Variants in SYTL2 observed in about 807,000 individuals in gnomAD.
The protein encoded by SYTL2 is synaptotagmin like 2.
A neutral mutation model predicts 198.7 loss-of-function variants in SYTL2; 165 were observed. That is an observed-to-expected ratio of 0.83 (90% CI 0.73 to 0.94). The LOEUF is 0.94. SYTL2 is among the 40% of genes least tolerant of loss of function. The pLI is 0.00. For synonymous variants in SYTL2, 966 were observed against 917.7 expected (o/e 1.05, Z -0.95); for missense variants, 2,835 against 2,582.8 (o/e 1.10, Z -2.12).
At chr11:85,821,284 C>A in the SYTL2 span, among the ~76,000 whole-genome samples, 1 of 152,090 alleles carries the variant, frequency 6.6e-6, no homozygotes. Context: ...CAGTTTAGAG[C>A]ATCTTATAGA....
intron 1 of SYTL2, among the ~76,000 whole-genome samples, chr11:85,766,900 G>A (rs1468289056): frequency 6.6e-6 from 1 of 152,164 alleles, no homozygotes; most frequent in African/African-American, 2.4e-5. Context: ...TCTAAATTGG[G>A]AGTGCTATCA....
At chr11:85,741,673 G>C (rs190773390) in intron 4 of SYTL2, among the ~76,000 whole-genome samples, 1 of 152,240 alleles carries the variant, frequency 6.6e-6, no homozygotes, top group East Asian at 1.9e-4. Flanking sequence ...GAGCAAGCTA[G>C]GTACCTTACA....
rs554951614 is a variant in SYTL2, at chr11:85,800,951, G to A, written c.-390+10003C>T. Among the ~76,000 whole-genome samples the A allele has an allele frequency of 3.8e-4, 58 of 152,224 alleles. 1 individual carries two copies. In the South Asian group the frequency reaches 9.5e-3, roughly 25 times the overall value. On this transcript the variant is annotated intron_variant, in intron 1 of 19. Transcript: ENST00000359152. ...TTCCCCAAGGAACCCAGGTAATGTC[G>A]GGTTTTCCCTCCAGCATAGATAAAG...
the SYTL2 span, among the ~76,000 whole-genome samples, chr11:85,834,337 G>C: frequency 1.3e-5 from 2 of 151,846 alleles, no homozygotes; most frequent in Non-Finnish European, 2.9e-5. Context: ...TATTTACCTT[G>C]TTTCTTATTA....
intron 9 of SYTL2, 35 bp downstream of exon 9, chr11:85,720,823 T>A: frequency 6.8e-7 from 1 of 1,461,468 alleles, no homozygotes; most frequent in Non-Finnish European, 9.6e-7. Flanking sequence ...TAAGCTTAGA[T>A]GGGGCATGAA....
intron 17 of SYTL2, among the ~76,000 whole-genome samples, chr11:85,699,232 A>G (rs1043247953): frequency 8.5e-5 from 13 of 152,200 alleles, no homozygotes; most frequent in African/African-American, 3.1e-4. Context: ...AGTGAGATCT[A>G]ATATAGTTAG....
In SYTL2 at chr11:85,757,614, T is replaced by C; in HGVS notation, c.101+11A>G. On this transcript the variant is annotated intron_variant, in intron 2 of 19. Coordinates refer to ENST00000359152, the MANE Select transcript of SYTL2 (RefSeq NM_206927.4). Reference sequence around the variant, plus strand: ...CCTTCCCTCATGCCCAAGGCTTCTCTGGCCTCTTACCTGACTCTCTCTTCT... The same window carrying C: ...CCTTCCCTCATGCCCAAGGCTTCTCCGGCCTCTTACCTGACTCTCTCTTCT... 6.2e-7 allele frequency: 1 copy of C among 1,613,354 alleles called. No individual in the cohort carries two copies. Among genetic ancestry groups the C allele is most frequent in the Non-Finnish European group, 8.5e-7 (1 of 1,179,610 alleles).
rs576954812 is a variant in SYTL2 at position 85,791,771 on chromosome 11, G to C, written c.-390+19183C>G. ...AGTCATGTGGTTAGCAAGATGTTTG[G>C]AATAACTCATGTGGAGTCATATGTC... On this transcript the variant is annotated intron_variant, in intron 1 of 19. Coordinates refer to ENST00000359152, the MANE Select transcript of SYTL2 (RefSeq NM_206927.4). 6.6e-5 allele frequency among the ~76,000 whole-genome samples: 10 copies of C among 152,174 alleles called. No individual in the cohort carries two copies. In the East Asian group the frequency reaches 1.9e-3, roughly 29 times the overall value.
At chr11:85,835,901 C>T in the SYTL2 span, among the ~76,000 whole-genome samples, 7,217 of 152,246 alleles carry the variant, frequency 0.047, 285 homozygotes, top group South Asian at 0.094. Flanking sequence ...GAGGATCTCA[C>T]TGTTCATTAC....
chr11:85,852,251 G>A, the SYTL2 span, among the ~76,000 whole-genome samples: 1 of 152,262 alleles, frequency 6.6e-6, no homozygotes, highest in African/African-American at 2.4e-5. Flanking sequence ...AAGCCTAAAG[G>A]GGCCTCATTT....
Position 85,759,042 on chromosome 11 carries a change from C to T in SYTL2, c.-389-928G>A, listed in dbSNP as rs533760283. Reference sequence around the variant, plus strand: ...GGTGGATCACCTGAGGTCAGGAGTTCGAGACCAGCCTGACCAACATGGTGA... The same window carrying T: ...GGTGGATCACCTGAGGTCAGGAGTTTGAGACCAGCCTGACCAACATGGTGA... On this transcript the variant is annotated intron_variant, in intron 1 of 19. Transcript: ENST00000359152. Among the ~76,000 whole-genome samples, 412 of 152,036 alleles carry T rather than the reference C, an allele frequency of 2.7e-3. 2 individuals are homozygous for T. The highest frequency in any genetic ancestry group is 5.1e-3 in the Non-Finnish European group (348 of 67,928).
chr11:85,762,312 AG>A (rs1374984782), intron 1 of SYTL2, among the ~76,000 whole-genome samples: 1 of 152,206 alleles, frequency 6.6e-6, no homozygotes, highest in Non-Finnish European at 1.5e-5. Flanking sequence ...TCAGTAAAGA[AG>A]GGAGGGTAGG....
Position 85,758,000 on chromosome 11 carries a change from T to C in SYTL2, c.-275A>G, listed in dbSNP as rs1436020104. The C allele has an allele frequency of 5.5e-6, 2 of 365,762 alleles. No individual in the cohort carries two copies. The highest frequency in any genetic ancestry group is 1.0e-5 in the Non-Finnish European group (2 of 192,562). 22.7% of individuals were successfully genotyped at this position (365,762 alleles called of 1,614,324 possible). Reference sequence around the variant, plus strand: ...TATTCCTTGCCAAACAGGTCGCTTGTTCCTATGGTGGCTTCCAGCACACTC... The same window carrying C: ...TATTCCTTGCCAAACAGGTCGCTTGCTCCTATGGTGGCTTCCAGCACACTC... On this transcript the variant is annotated 5_prime_UTR_variant, in exon 2 of 20. Coordinates refer to ENST00000359152, the MANE Select transcript of SYTL2 (RefSeq NM_206927.4).
At chr11:85,769,655 A>G (rs2092316763) in intron 1 of SYTL2, among the ~76,000 whole-genome samples, 1 of 152,222 alleles carries the variant, frequency 6.6e-6, no homozygotes, top group African/African-American at 2.4e-5. Context: ...TCCATCTGTG[A>G]GTTGTGCCAA....
the SYTL2 span, among the ~76,000 whole-genome samples, chr11:85,821,498 C>G: frequency 6.6e-6 from 1 of 152,024 alleles, no homozygotes; most frequent in Admixed American, 6.6e-5. Flanking sequence ...TCCAGTGGGA[C>G]AAAGAAGGCG....
At chr11:85,737,706 T>C (rs1388664091) in intron 4 of SYTL2, 50 bp from the exon 5 acceptor site, 2 of 1,481,098 alleles carry the variant, frequency 1.4e-6, no homozygotes, top group African/African-American at 2.8e-5. Flanking sequence ...TTTTGAGGAA[T>C]CATAAATTAT....
chr11:85,783,576 A>G (rs1252246930), intron 1 of SYTL2, among the ~76,000 whole-genome samples: 5 of 152,222 alleles, frequency 3.3e-5, no homozygotes, highest in Non-Finnish European at 7.3e-5. Context: ...TAAGACTATC[A>G]AAGTCTTACA....
intron 2 of SYTL2, among the ~76,000 whole-genome samples, chr11:85,753,060 G>A (rs1328196036): frequency 6.6e-6 from 1 of 151,814 alleles, no homozygotes; most frequent in Non-Finnish European, 1.5e-5. Flanking sequence ...GTGTATATGG[G>A]GGTGGGGGAT....
At chr11:85,829,847 T>C in the SYTL2 span, among the ~76,000 whole-genome samples, 1 of 152,218 alleles carries the variant, frequency 6.6e-6, no homozygotes, top group African/African-American at 2.4e-5. Flanking sequence ...TTTTAGTATA[T>C]AAGGGTTGAT....
Sources: gnomAD v4.1 joint callset for allele counts (sites outside exome capture counted in the v4.1 genomes callset) on GRCh38, gnomAD v4.1.1 for gene constraint, MANE v1.5 for transcripts, NCBI Gene and HGNC (gene_info 2026-07-23, HGNC 2026-07-21) for gene names.